The following SFR1 variants were observed in gnomAD, a reference collection of about 807,000 sequenced individuals.
SFR1 encodes the protein swi5-dependent recombination DNA repair protein 1 homolog.
SFR1 carries 24 observed loss-of-function variants against 26.2 expected under a neutral mutation model. That is an observed-to-expected ratio of 0.92 (90% CI 0.66 to 1.29). SFR1 has a LOEUF of 1.29. Among genes scored for constraint, SFR1 ranks in the 50% most tolerant of loss-of-function variants. The probability of loss-of-function intolerance (pLI) is 0.00; values close to 1 mark genes in which losing one functional copy is unlikely to be tolerated. For missense variants in SFR1, 276 were observed against 270.2 expected (o/e 1.02, Z -0.15); for synonymous variants, 77 against 96.6 (o/e 0.80, Z 1.19).
intron 1 of SFR1, chr10:104,122,713 A>G (rs2086978639): frequency 7.2e-7 from 1 of 1,391,328 alleles, no homozygotes; most frequent in African/African-American, 1.4e-5. Context: ...TGGTGGATGA[A>G]ACGAAAACAA....
rs370591309 is a variant in SFR1 at position 104,122,947 on chromosome 10, A to G, written c.14-18A>G. 6.2e-6 allele frequency: 10 copies of G among 1,610,338 alleles called. No individual in the cohort carries two copies. The African/African-American group carries it at 1.3e-4, about 22-fold the overall frequency. On this transcript the variant is annotated intron_variant, in intron 1 of 3. Transcript: ENST00000369727. ...GAGGTGTGGTTAATTCGATTATTTT[A>G]TAATTTTTCTTTTTTAGAGAAAAAC...
chr10:104,121,588 C>G (rs923582867), upstream of SFR1, among the ~76,000 whole-genome samples: 2 of 152,198 alleles, frequency 1.3e-5, no homozygotes, highest in Non-Finnish European at 2.9e-5. Flanking sequence ...AGCTGTAAAT[C>G]TAACATGCAG....
chr10:104,122,052 G>A (rs183537780), upstream of SFR1: 48 of 1,133,668 alleles, frequency 4.2e-5, no homozygotes, highest in Middle Eastern at 2.7e-4. Flanking sequence ...CTGAGTCGCT[G>A]AGTGAAGCGG....
intron 3 of SFR1, among the ~76,000 whole-genome samples, chr10:104,124,759 A>G (rs1423033891): frequency 3.9e-5 from 6 of 152,032 alleles, no homozygotes; most frequent in Admixed American, 3.3e-4. Flanking sequence ...TAAAAAATAA[A>G]ATTTAGGAGT....
Position 104,123,071 on chromosome 10 carries a change from T to C in SFR1, c.120T>C (p.Asn40=). ...ASANPSSPYT[N]SSRKQPMSAT... ...CGAATCCATCATCTCCCTATACAAA[T>C]AGTTCCCGAAAACAAGTATGAAAAT... The change falls in exon 2 of 4, where the codon AAT becomes AAC. Residue 40 remains asparagine (N), a synonymous_variant. Transcript: ENST00000369727. 1 of 1,570,278 alleles carries C rather than the reference T, an allele frequency of 6.4e-7. No homozygotes were observed. The highest frequency in any genetic ancestry group is 1.4e-5 in the African/African-American group (1 of 72,824).
At chr10:104,121,696 G>T (rs1029581243), upstream of SFR1, among the ~76,000 whole-genome samples, 11 of 152,194 alleles carry the variant, frequency 7.2e-5, no homozygotes, top group Admixed American at 6.5e-4. Context: ...TGGAGGCGGC[G>T]GGCTGGCGGG....
chr10:104,122,604 C>T (rs1208379042), intron 1 of SFR1: 2 of 985,268 alleles, frequency 2.0e-6, no homozygotes, highest in African/African-American at 3.5e-5. Context: ...AAGGTTTCGG[C>T]TATAGCTTCT....
rs1318666025 is a variant in SFR1, at chr10:104,123,838, C to G, written c.260C>G (p.Pro87Arg). ...AATGATCAGACCTTTTCAGAGAAACCAGCATCTTCCACAGAGGAAAACTGT... is the reference window on the plus strand; with the variant it reads ...AATGATCAGACCTTTTCAGAGAAACGAGCATCTTCCACAGAGGAAAACTGT... ...EENDQTFSEK[P>R]ASSTEENCLE... The change falls in exon 3 of 4, where the codon CCA (proline) becomes CGA (arginine). Residue 87 changes from proline (P) to arginine (R), a missense_variant. By Grantham distance (103) the Pro-to-Arg change is moderately radical. Transcript: ENST00000369727. The G allele has an allele frequency of 6.2e-7, 1 of 1,613,012 alleles. No individual in the cohort carries two copies.
chr10:104,122,055 T>G (rs980420428), upstream of SFR1: 16 of 1,162,682 alleles, frequency 1.4e-5, no homozygotes, highest in African/African-American at 2.5e-4. Context: ...AGTCGCTGAG[T>G]GAAGCGGCGC....
At chr10:104,122,525 G>A in intron 1 of SFR1, 1 of 985,422 alleles carries the variant, frequency 1.0e-6, no homozygotes, top group African/African-American at 1.7e-5. Flanking sequence ...GGCCGGCAGG[G>A]TAACGGGTTC....
rs369325051 is a variant in SFR1 at position 104,123,680 on chromosome 10, G to A, written c.136-34G>A. On this transcript the variant is annotated intron_variant, in intron 2 of 3. Coordinates refer to ENST00000369727, the MANE Select transcript of SFR1 (RefSeq NM_001002759.2). Reference sequence around the variant, plus strand: ...TATTGACATTAAGAATGTTTTTCTTGATTCACATTTTTAATGTTTTGTGCT... The same window carrying A: ...TATTGACATTAAGAATGTTTTTCTTAATTCACATTTTTAATGTTTTGTGCT... 1.9e-5 allele frequency: 28 copies of A among 1,486,808 alleles called. No homozygotes were observed. In the African/African-American group the frequency reaches 3.7e-4, roughly 20 times the overall value. 92.1% of individuals were successfully genotyped at this position (1,486,808 alleles called of 1,614,324 possible). A position where few individuals can be genotyped will look rare whatever the true frequency, so the allele number is the denominator to read the frequency against.
upstream of SFR1, chr10:104,122,093 G>A (rs1039675910): frequency 6.9e-7 from 1 of 1,458,362 alleles, no homozygotes; most frequent in Non-Finnish European, 9.4e-7. Flanking sequence ...CTGGCCAATT[G>A]CGCATCTTTT....
upstream of SFR1, chr10:104,122,152 C>T: frequency 6.5e-7 from 1 of 1,547,392 alleles, no homozygotes; most frequent in South Asian, 1.2e-5. Flanking sequence ...TTTACGGCCG[C>T]AGGTGCGCGC....
intron 3 of SFR1, among the ~76,000 whole-genome samples, chr10:104,125,033 G>A (rs1385088659): frequency 2.0e-5 from 3 of 152,100 alleles, no homozygotes; most frequent in Non-Finnish European, 2.9e-5. Flanking sequence ...GAACTCCTGG[G>A]CTCAAGCAGT....
chr10:104,120,897 T>C (rs1384978466), upstream of SFR1, among the ~76,000 whole-genome samples: 1 of 152,222 alleles, frequency 6.6e-6, no homozygotes, highest in East Asian at 1.9e-4. Flanking sequence ...TCTAAGCCAC[T>C]ACTGTCAGAT....
At chr10:104,121,496 G>A (rs1389253389), upstream of SFR1, among the ~76,000 whole-genome samples, 1 of 152,168 alleles carries the variant, frequency 6.6e-6, no homozygotes, top group Non-Finnish European at 1.5e-5. Context: ...TTCTTTTGTG[G>A]TCTCTGGAAC....
chr10:104,123,888 C>CT lies in SFR1; in HGVS notation c.310_311insT (p.His104LeufsTer5). On this transcript the variant is annotated frameshift_variant, in exon 3 of 4. Coordinates refer to ENST00000369727, the MANE Select transcript of SFR1 (RefSeq NM_001002759.2). LOFTEE classifies it high-confidence loss of function. ...TTTGGAATTTCAAGAAAGTTTTAAACATATAGACAGTGAATTTGAAGAAAA... is the reference window on the plus strand; with the variant it reads ...TTTGGAATTTCAAGAAAGTTTTAAACTATATAGACAGTGAATTTGAAGAAAA... 1 of 1,612,934 alleles carries CT rather than the reference C, an allele frequency of 6.2e-7. No homozygotes were observed. Among genetic ancestry groups the CT allele is most frequent in the East Asian group, 2.2e-5 (1 of 44,828 alleles).
Position 104,122,970 on chromosome 10 carries a change from A to G in SFR1, c.19A>G (p.Asn7Asp), listed in dbSNP as rs1180109207. The G allele has an allele frequency of 1.2e-6, 2 of 1,612,952 alleles. No individual in the cohort carries two copies. Among genetic ancestry groups the G allele is most frequent in the Non-Finnish European group, 1.7e-6 (2 of 1,179,226 alleles). ...TTATAATTTTTCTTTTTTAGAGAAA[A>G]ACCAAGATTTCACTTTCAAGATGGA... The part of the protein sequence containing the change: MAEGEK[N>D]QDFTFKMESP... Residue 7 changes from asparagine (N) to aspartate (D), a missense_variant, in exon 2 of 4, where the codon AAC becomes GAC. Asn to Asp is a conservative substitution (Grantham distance 23). Transcript: ENST00000369727.
chr10:104,122,427 C>T (rs2134700354), intron 1 of SFR1: 4 of 985,396 alleles, frequency 4.1e-6, no homozygotes, highest in Non-Finnish European at 4.8e-6. Context: ...AATTTCAGTC[C>T]ACTCTCCTTT....
Sources: gnomAD v4.1 joint callset for allele counts (sites outside exome capture counted in the v4.1 genomes callset) on GRCh38, gnomAD v4.1.1 for gene constraint, MANE v1.5 for transcripts, NCBI Gene and HGNC (gene_info 2026-07-23, HGNC 2026-07-21) for gene names.